The following ELOC variants were observed in gnomAD, a reference collection of about 807,000 sequenced individuals.
ELOC encodes elongin C.
For synonymous variants in ELOC, 40 were observed against 51.3 expected, an observed-to-expected ratio of 0.78 and a Z score of 0.94; for missense variants, 38 against 139.0, an observed-to-expected ratio of 0.27 and a Z score of 3.65.
intron 3 of ELOC, among the ~76,000 whole-genome samples, chr8:73,950,048 C>T (rs940430126): frequency 1.3e-5 from 2 of 152,124 alleles, no homozygotes; most frequent in African/African-American, 4.8e-5. Context: ...GTATCTTCAG[C>T]ACCCAGATTG....
At chr8:73,971,471 A>G (rs1308829020) in intron 1 of ELOC, among the ~76,000 whole-genome samples, 5 of 152,166 alleles carry the variant, frequency 3.3e-5, no homozygotes, top group Non-Finnish European at 7.3e-5. Context: ...CTCACGCTAA[A>G]TGGCACAAAC....
chr8:73,950,000 TGAG>T (rs1813638546), intron 3 of ELOC, among the ~76,000 whole-genome samples: 2 of 152,094 alleles, frequency 1.3e-5, no homozygotes, highest in African/African-American at 2.4e-5. Context: ...TGTGTGTATA[TGAG>T]GAGTGGGGGG....
chr8:73,955,898 G>C lies in ELOC; in HGVS notation c.148+13C>G. The C allele has an allele frequency of 1.3e-6, 2 of 1,598,434 alleles. No homozygotes were observed. The highest frequency in any genetic ancestry group is 1.7e-6 in the Non-Finnish European group (2 of 1,170,372). On this transcript the variant is annotated intron_variant, in intron 3 of 3. Coordinates refer to ENST00000520242, the MANE Select transcript of ELOC (RefSeq NM_005648.4). ...AAGTGAATATATGAAGAAAAAGACA[G>C]AACTGTGCTTACCTGGGCCACTCAA...
At chr8:73,950,664 C>T (rs958421153) in intron 3 of ELOC, among the ~76,000 whole-genome samples, 1 of 152,194 alleles carries the variant, frequency 6.6e-6, no homozygotes, top group Non-Finnish European at 1.5e-5. Context: ...AAGCTTGACA[C>T]TGCTAAAAGA....
intron 1 of ELOC, among the ~76,000 whole-genome samples, chr8:73,967,223 C>T (rs1815046722): frequency 6.6e-6 from 1 of 152,048 alleles, no homozygotes; most frequent in African/African-American, 2.4e-5. Flanking sequence ...AAAATAAATC[C>T]AACAACCTCT....
At chr8:73,956,780 G>C (rs1003288551) in intron 2 of ELOC, among the ~76,000 whole-genome samples, 1 of 152,148 alleles carries the variant, frequency 6.6e-6, no homozygotes, top group African/African-American at 2.4e-5. Flanking sequence ...GACTTCCTTT[G>C]ACAAGTCCTA....
intron 1 of ELOC, among the ~76,000 whole-genome samples, chr8:73,965,124 G>A (rs543237697): frequency 6.8e-6 from 1 of 148,100 alleles, no homozygotes; most frequent in Non-Finnish European, 1.5e-5. Flanking sequence ...TATTCACAAC[G>A]CGTATCTGAC....
intron 3 of ELOC, among the ~76,000 whole-genome samples, chr8:73,947,583 C>CT (rs917854307): frequency 4.0e-5 from 6 of 151,420 alleles, no homozygotes; most frequent in African/African-American, 1.2e-4. Context: ...AAGTTTTTTT[C>CT]TTTTTTTTGA....
chr8:73,949,043 G>C (rs1326735489), intron 3 of ELOC, among the ~76,000 whole-genome samples: 1 of 152,208 alleles, frequency 6.6e-6, no homozygotes, highest in Non-Finnish European at 1.5e-5. Context: ...GCTACACAAA[G>C]GTTGTATCAT....
At chr8:73,972,202 G>A, upstream of ELOC, 1 of 152,478 alleles carries the variant, frequency 6.6e-6, no homozygotes. Context: ...AATTACTTCC[G>A]CTGGGTCAGA....
intron 3 of ELOC, among the ~76,000 whole-genome samples, chr8:73,951,947 T>C (rs1314103856): frequency 1.3e-5 from 2 of 152,280 alleles, no homozygotes; most frequent in East Asian, 3.9e-4. Context: ...TAAATGGTAG[T>C]GGGATAGCCA....
chr8:73,967,523 A>C (rs1271784273), intron 1 of ELOC, among the ~76,000 whole-genome samples: 5 of 146,764 alleles, frequency 3.4e-5, no homozygotes, highest in African/African-American at 1.3e-4. Context: ...GCTGGAGTGC[A>C]GTGGTGCAAC....
intron 1 of ELOC, among the ~76,000 whole-genome samples, chr8:73,971,620 G>A (rs1318737135): frequency 6.6e-6 from 1 of 152,018 alleles, no homozygotes; most frequent in Non-Finnish European, 1.5e-5. Flanking sequence ...ATGAAGTCGA[G>A]CATAGAATCA....
intron 1 of ELOC, among the ~76,000 whole-genome samples, chr8:73,964,203 A>G (rs1276173572): frequency 1.4e-5 from 2 of 140,434 alleles, no homozygotes; most frequent in East Asian, 4.1e-4. Context: ...TGTAGTTTAT[A>G]TTTTGGTGGG....
intron 3 of ELOC, among the ~76,000 whole-genome samples, chr8:73,950,302 A>G (rs962132923): frequency 1.3e-5 from 2 of 152,246 alleles, no homozygotes; most frequent in Admixed American, 6.5e-5. Flanking sequence ...CAACAGACTG[A>G]AAAACATGAA....
intron 2 of ELOC, among the ~76,000 whole-genome samples, chr8:73,959,367 C>T (rs569802858): frequency 1.3e-5 from 2 of 152,264 alleles, no homozygotes; most frequent in African/African-American, 4.8e-5. Flanking sequence ...AGCCACTGCA[C>T]CCAGCACTAT....
At chr8:73,967,820 T>G (rs986836143) in intron 1 of ELOC, among the ~76,000 whole-genome samples, 15 of 152,342 alleles carry the variant, frequency 9.8e-5, no homozygotes, top group African/African-American at 3.4e-4. Context: ...TGTCCAACTA[T>G]TAAAACATTT....
chr8:73,959,674 A>AT (rs1419563545), intron 2 of ELOC, 91 bp downstream of exon 2: 2 of 1,153,016 alleles, frequency 1.7e-6, no homozygotes, highest in African/African-American at 3.1e-5. Context: ...GTCTACTGAA[A>AT]TTTTACTTGT....
chr8:73,957,359 A>AT (rs1814265564), intron 2 of ELOC, among the ~76,000 whole-genome samples: 1 of 152,154 alleles, frequency 6.6e-6, no homozygotes, highest in Admixed American at 6.6e-5. Flanking sequence ...AGCCAGATAT[A>AT]TATAGAGTAA....
Sources: gnomAD v4.1 joint callset for allele counts (sites outside exome capture counted in the v4.1 genomes callset) on GRCh38, gnomAD v4.1.1 for gene constraint, MANE v1.5 for transcripts, NCBI Gene and HGNC (gene_info 2026-07-23, HGNC 2026-07-21) for gene names.